The following RAB31 variants were observed in gnomAD, a reference collection of about 807,000 sequenced individuals.
RAB31 encodes the protein ras-related protein Rab-31.
In RAB31, 21 loss-of-function variants were observed where a neutral mutation model predicts 25.6. The observed-to-expected ratio is 0.82, with a 90% confidence interval of 0.58 to 1.18. The LOEUF is 1.18. Among genes scored for constraint, RAB31 ranks in the 50% most tolerant of loss-of-function variants. The pLI, the probability that RAB31 is intolerant of heterozygous loss-of-function variation, is 0.00. For missense variants in RAB31, 196 were observed against 250.1 expected, an observed-to-expected ratio of 0.78 and a Z score of 1.46; for synonymous variants, 87 against 84.0, an observed-to-expected ratio of 1.04 and a Z score of -0.20.
At chr18:9,797,716 C>T (rs911671417) in intron 3 of RAB31, among the ~76,000 whole-genome samples, 9 of 152,136 alleles carry the variant, frequency 5.9e-5, no homozygotes, top group Non-Finnish European at 1.2e-4. Flanking sequence ...ATTAGATGAT[C>T]GTTCTTCAGA....
At chr18:9,835,976 GCA>G (rs1209019719) in intron 5 of RAB31, among the ~76,000 whole-genome samples, 4 of 151,958 alleles carry the variant, frequency 2.6e-5, no homozygotes, top group Non-Finnish European at 5.9e-5. Flanking sequence ...ACGCGTCAGA[GCA>G]CACACAGCCC....
At chr18:9,838,943 C>T (rs1370436462) in intron 5 of RAB31, among the ~76,000 whole-genome samples, 2 of 152,212 alleles carry the variant, frequency 1.3e-5, no homozygotes, top group Non-Finnish European at 2.9e-5. Context: ...CTCCACTACC[C>T]ACTCCTCCTT....
At chr18:9,758,336 T>G (rs1400765209) in intron 1 of RAB31, among the ~76,000 whole-genome samples, 1 of 152,020 alleles carries the variant, frequency 6.6e-6, no homozygotes, top group African/African-American at 2.4e-5. Context: ...ATCCACATGT[T>G]CATGGGGAGG....
intron 1 of RAB31, among the ~76,000 whole-genome samples, chr18:9,726,884 A>G (rs1043988274): frequency 1.3e-5 from 2 of 152,194 alleles, no homozygotes; most frequent in African/African-American, 2.4e-5. Context: ...CCAGCTGTCC[A>G]GAAGCCCACC....
intron 5 of RAB31, among the ~76,000 whole-genome samples, chr18:9,842,271 T>G (rs2068738425): frequency 6.6e-6 from 1 of 152,172 alleles, no homozygotes; most frequent in Admixed American, 6.5e-5. Flanking sequence ...AGGCTGGCGT[T>G]GGGGCTGAAA....
At chr18:9,728,383 G>A (rs942105160) in intron 1 of RAB31, among the ~76,000 whole-genome samples, 4 of 152,178 alleles carry the variant, frequency 2.6e-5, no homozygotes, top group African/African-American at 9.7e-5. Context: ...GGATTTTCTA[G>A]AAATAGAACG....
At chr18:9,816,250 T>C in intron 5 of RAB31, 1 of 181,048 alleles carries the variant, frequency 5.5e-6, no homozygotes, top group Non-Finnish European at 1.2e-5. Context: ...AATGTGGCAT[T>C]GATTCAACCA....
At chr18:9,717,272 A>C (rs2068049619) in intron 1 of RAB31, among the ~76,000 whole-genome samples, 1 of 152,106 alleles carries the variant, frequency 6.6e-6, no homozygotes, top group Admixed American at 6.5e-5. Flanking sequence ...TTTTTCGAAT[A>C]CATTTCCTTG....
intron 5 of RAB31, among the ~76,000 whole-genome samples, chr18:9,829,082 TAAAG>T (rs1174588485): frequency 6.6e-6 from 1 of 152,140 alleles, no homozygotes; most frequent in Non-Finnish European, 1.5e-5. Context: ...AAAACATTCT[TAAAG>T]AAGAATATAT....
intron 3 of RAB31, among the ~76,000 whole-genome samples, chr18:9,812,886 C>T (rs554180513): frequency 1.3e-4 from 20 of 151,838 alleles, no homozygotes; most frequent in African/African-American, 3.6e-4. Flanking sequence ...TTAGTTGAGA[C>T]GGGTTTCACC....
intron 1 of RAB31, among the ~76,000 whole-genome samples, chr18:9,738,284 T>C (rs1334667162): frequency 6.6e-6 from 1 of 152,184 alleles, no homozygotes; most frequent in Non-Finnish European, 1.5e-5. Context: ...TTTTGCCTGC[T>C]CATGATGGAC....
intron 6 of RAB31, among the ~76,000 whole-genome samples, chr18:9,854,336 A>G (rs547076533): frequency 1.8e-4 from 27 of 152,268 alleles, no homozygotes; most frequent in Non-Finnish European, 3.7e-4. Context: ...ATTTTGGAGC[A>G]ATTGTGACCT....
chr18:9,730,283 C>T (rs1308951572), intron 1 of RAB31, among the ~76,000 whole-genome samples: 1 of 135,206 alleles, frequency 7.4e-6, no homozygotes, highest in African/African-American at 3.0e-5. Context: ...CGAGCCTCAC[C>T]TTATCTTTTT....
intron 5 of RAB31, among the ~76,000 whole-genome samples, chr18:9,845,378 T>A (rs1164522156): frequency 1.3e-5 from 2 of 152,228 alleles, no homozygotes; most frequent in Admixed American, 6.5e-5. Context: ...TATATGCATA[T>A]CTTCTCTTCA....
rs553132024 is a variant in RAB31 at position 9,818,269 on chromosome 18, C to T, written c.380+3047C>T. On this transcript the variant is annotated intron_variant, in intron 5 of 6. Coordinates refer to ENST00000578921, the MANE Select transcript of RAB31 (RefSeq NM_006868.4). ...CCTGTTTTAAGTGTATACAGTTCAA[C>T]GACTGTTAGTATATTTTTAGAGTTG... Among the ~76,000 whole-genome samples, 42 of 152,272 alleles carry T rather than the reference C, an allele frequency of 2.8e-4. No individual in the cohort carries two copies. The South Asian group carries it at 7.1e-3, about 26-fold the overall frequency.
chr18:9,735,936 A>G (rs1001791914), intron 1 of RAB31, among the ~76,000 whole-genome samples: 4 of 152,174 alleles, frequency 2.6e-5, no homozygotes, highest in Non-Finnish European at 5.9e-5. Context: ...TCCTGAGTAC[A>G]AGGGATCCTC....
chr18:9,736,286 C>A (rs2068150851), intron 1 of RAB31, among the ~76,000 whole-genome samples: 1 of 152,118 alleles, frequency 6.6e-6, no homozygotes, highest in Admixed American at 6.5e-5. Context: ...AAAACATTTC[C>A]TTTTGATTCT....
At chr18:9,757,301 C>T (rs970079431) in intron 1 of RAB31, among the ~76,000 whole-genome samples, 1 of 152,132 alleles carries the variant, frequency 6.6e-6, no homozygotes, top group Non-Finnish European at 1.5e-5. Context: ...GCAGGGAAGC[C>T]GGCCTGCAGT....
rs77093444 is a variant in RAB31 at position 9,790,405 on chromosome 18, A to AT, written c.120-1738dup. On this transcript the variant is annotated intron_variant, in intron 2 of 6. Coordinates refer to ENST00000578921, the MANE Select transcript of RAB31 (RefSeq NM_006868.4). Reference sequence around the variant, plus strand: ...ATGCTCAGCTGATTTAAAAAAAAAAATTTTTTTTTTTGTAAAGAAGGAGTC... The same window carrying AT: ...ATGCTCAGCTGATTTAAAAAAAAAAATTTTTTTTTTTTGTAAAGAAGGAGTC... 1.3e-3 allele frequency among the ~76,000 whole-genome samples: 188 copies of AT among 149,134 alleles called. 3 individuals are homozygous for AT. The East Asian group carries it at 0.027, about 21-fold the overall frequency.
Sources: gnomAD v4.1 joint callset for allele counts (sites outside exome capture counted in the v4.1 genomes callset) on GRCh38, gnomAD v4.1.1 for gene constraint, MANE v1.5 for transcripts, NCBI Gene and HGNC (gene_info 2026-07-23, HGNC 2026-07-21) for gene names.